The following DOCK5 variants were observed in gnomAD, a reference collection of about 807,000 sequenced individuals.
DOCK5 encodes dedicator of cytokinesis 5.
DOCK5 carries 142 observed loss-of-function variants against 251.8 expected under a neutral mutation model. That is an observed-to-expected ratio of 0.56 (90% CI 0.49 to 0.65). DOCK5 has a LOEUF of 0.65. DOCK5 is among the 30% of genes least tolerant of loss of function. DOCK5 has a pLI of 0.00. For missense variants in DOCK5, 2,111 were observed against 2,312.3 expected (o/e 0.91, Z 1.79); for synonymous variants, 842 against 835.5 (o/e 1.01, Z -0.13).
intron 1 of DOCK5, among the ~76,000 whole-genome samples, chr8:25,207,566 G>T (rs1210550394): frequency 6.6e-6 from 1 of 152,218 alleles, no homozygotes; most frequent in East Asian, 1.9e-4. Context: ...TACTCTGCCT[G>T]TGCTCTATAA....
intron 3 of DOCK5, among the ~76,000 whole-genome samples, chr8:25,269,416 C>A (rs1803846224): frequency 1.3e-5 from 2 of 152,104 alleles, no homozygotes; most frequent in African/African-American, 4.8e-5. Context: ...AAGTAGAGAA[C>A]ATGAGATGCA....
At chr8:25,292,775 A>G (rs972868155) in intron 6 of DOCK5, among the ~76,000 whole-genome samples, 11 of 152,172 alleles carry the variant, frequency 7.2e-5, no homozygotes, top group African/African-American at 2.4e-4. Flanking sequence ...AAAATGACCA[A>G]GCCTCTGAAG....
At chr8:25,399,811 C>G in intron 45 of DOCK5, 100 bp from the exon 46 acceptor site, 1 of 829,614 alleles carries the variant, frequency 1.2e-6, no homozygotes, top group Non-Finnish European at 2.0e-6. Flanking sequence ...TAGTTAGACA[C>G]ATCTGGTTCT....
At chr8:25,341,607 T>A (rs1015267877) in intron 23 of DOCK5, 132 bp from the exon 24 acceptor site, 1 of 741,190 alleles carries the variant, frequency 1.3e-6, no homozygotes. Flanking sequence ...GCTTTCCTTT[T>A]TATTGTAAGG....
At chr8:25,296,486 A>C in intron 6 of DOCK5, 27 bp from the exon 7 acceptor site, 1 of 1,597,616 alleles carries the variant, frequency 6.3e-7, no homozygotes, top group Middle Eastern at 1.7e-4. Context: ...GGTGAGGAGA[A>C]CCAGCTGACT....
At chr8:25,231,482 T>C (rs1306672467) in intron 1 of DOCK5, among the ~76,000 whole-genome samples, 1 of 152,142 alleles carries the variant, frequency 6.6e-6, no homozygotes, top group African/African-American at 2.4e-5. Context: ...ATATTGTTTG[T>C]TGTAGTATAG....
At position 25,274,533 on chromosome 8, in the gene DOCK5, C is replaced by T. The variant is rs73560404; in HGVS notation, c.169-853C>T. On this transcript the variant is annotated intron_variant, in intron 3 of 51. Coordinates refer to ENST00000276440, the MANE Select transcript of DOCK5 (RefSeq NM_024940.8). Reference sequence around the variant, plus strand: ...CCTCTGTTCTCTGATTTCTATCCACCAGTTTCTCCTCTTTCTCTTAGGTCT... The same window carrying T: ...CCTCTGTTCTCTGATTTCTATCCACTAGTTTCTCCTCTTTCTCTTAGGTCT... Among the ~76,000 whole-genome samples, 746 of 152,276 alleles carry T rather than the reference C, an allele frequency of 4.9e-3. 6 individuals are homozygous for T. Among genetic ancestry groups the T allele is most frequent in the African/African-American group, 0.017 (718 of 41,550 alleles).
At chr8:25,339,678 G>A (rs1447467856) in intron 22 of DOCK5, among the ~76,000 whole-genome samples, 3 of 152,206 alleles carry the variant, frequency 2.0e-5, no homozygotes, top group Non-Finnish European at 2.9e-5. Context: ...ATGTGGATGC[G>A]TGAGGAGTAA....
chr8:25,317,147 C>A lies in DOCK5; in HGVS notation c.1443+16C>A, dbSNP rs774459945. The stretch of plus-strand genomic sequence containing the variant: ...GCTCTTGGAGGTGCGCGGCATGGCC[C>A]AGAAATCCTGCTACCATCGCATCCG... On this transcript the variant is annotated intron_variant, in intron 14 of 51. Transcript: ENST00000276440. 3 of 1,609,944 alleles carry A rather than the reference C, an allele frequency of 1.9e-6. No homozygotes were observed. Among genetic ancestry groups the A allele is most frequent in the Admixed American group, 3.3e-5 (2 of 59,750 alleles).
intron 5 of DOCK5, among the ~76,000 whole-genome samples, chr8:25,289,616 G>T (rs1408852770): frequency 1.3e-5 from 2 of 152,026 alleles, no homozygotes; most frequent in East Asian, 3.9e-4. Flanking sequence ...ACTGAGGCAG[G>T]CGGATCATCT....
At chr8:25,384,459 A>ATTTTT (rs1208387306) in intron 40 of DOCK5, among the ~76,000 whole-genome samples, 93 of 65,656 alleles carry the variant, frequency 1.4e-3, no homozygotes, top group Middle Eastern at 8.1e-3. Flanking sequence ...TTATTTATTT[A>ATTTTT]TTTATTTTTT....
chr8:25,405,048 T>G (rs531851975), intron 48 of DOCK5, among the ~76,000 whole-genome samples: 46 of 152,222 alleles, frequency 3.0e-4, no homozygotes, highest in Non-Finnish European at 6.0e-4. Flanking sequence ...GGTCAAATAC[T>G]TTTTTCTGTT....
At position 25,210,628 on chromosome 8, in the gene DOCK5, G is replaced by A. The variant is rs896380892; in HGVS notation, c.43+25677G>A. 1.3e-3 allele frequency among the ~76,000 whole-genome samples: 88 copies of A among 70,362 alleles called. 22 individuals are homozygous for A. The highest frequency in any genetic ancestry group is 2.7e-3 in the African/African-American group (84 of 31,046). 46.2% of individuals were successfully genotyped at this position (70,362 alleles called of 152,430 possible). On this transcript the variant is annotated intron_variant, in intron 1 of 51. Transcript: ENST00000276440. ...AAAATACAAAAATTAGCCAAGTGTG[G>A]TGACACATGCCTGTAATCCCAGCTA... is the stretch of plus-strand genomic sequence containing the variant.
intron 5 of DOCK5, among the ~76,000 whole-genome samples, chr8:25,284,171 G>A (rs950978584): frequency 6.6e-6 from 1 of 152,182 alleles, no homozygotes; most frequent in Non-Finnish European, 1.5e-5. Context: ...ATCTCCTTAA[G>A]TTTTCTTTTC....
At chr8:25,395,443 G>A in intron 44 of DOCK5, 100 bp from the exon 45 acceptor site, 2 of 1,283,592 alleles carry the variant, frequency 1.6e-6, no homozygotes, top group Non-Finnish European at 1.1e-6. Context: ...TCTATAGCTT[G>A]TGGGCATTTT....
chr8:25,356,602 G>A (rs1800574234), intron 27 of DOCK5, among the ~76,000 whole-genome samples: 1 of 152,032 alleles, frequency 6.6e-6, no homozygotes, highest in Non-Finnish European at 1.5e-5. Flanking sequence ...CAGGGAAGTC[G>A]AGGCTACAGT....
At chr8:25,380,603 A>G (rs1397023141) in intron 39 of DOCK5, among the ~76,000 whole-genome samples, 3 of 152,212 alleles carry the variant, frequency 2.0e-5, no homozygotes, top group African/African-American at 7.2e-5. Flanking sequence ...GGTTCAGGAC[A>G]TCTCTGGAAG....
chr8:25,222,386 ACT>A (rs1338358772), intron 1 of DOCK5, among the ~76,000 whole-genome samples: 3 of 152,064 alleles, frequency 2.0e-5, no homozygotes, highest in Non-Finnish European at 4.4e-5. Context: ...TATTATGTTC[ACT>A]TCTAGGCTGG....
At chr8:25,188,802 C>CT (rs1245892954) in intron 1 of DOCK5, among the ~76,000 whole-genome samples, 2 of 149,746 alleles carry the variant, frequency 1.3e-5, no homozygotes, top group Non-Finnish European at 3.0e-5. Context: ...GGAAAATGTG[C>CT]TTTTTTCTCA....
Sources: allele counts gnomAD v4.1 joint callset (sites outside exome capture counted in the v4.1 genomes callset), GRCh38; gene constraint gnomAD v4.1.1; transcripts MANE v1.5; gene names NCBI Gene and HGNC (gene_info 2026-07-23, HGNC 2026-07-21).